Variants in FLT3 observed in about 807,000 individuals in gnomAD.
FLT3 encodes the protein receptor-type tyrosine-protein kinase FLT3.
FLT3 carries 46 observed loss-of-function variants against 126.6 expected under a neutral mutation model. The observed-to-expected ratio is 0.36, with a 90% CI of 0.29 to 0.46. The LOEUF is 0.46. FLT3 is among the 20% of genes least tolerant of loss of function. The pLI is 1.00. For synonymous variants in FLT3, 404 were observed against 434.4 expected, an observed-to-expected ratio of 0.93 and a Z score of 0.87; for missense variants, 1,069 against 1,190.3, an observed-to-expected ratio of 0.90 and a Z score of 1.50.
At chr13:28,043,571 C>T (rs7318817) in intron 9 of FLT3, among the ~76,000 whole-genome samples, 93,241 of 152,036 alleles carry the variant, frequency 0.61, 28,688 homozygotes, top group East Asian at 0.83. Flanking sequence ...GACTAAAATA[C>T]TGTACTTCAC....
At chr13:28,024,337 G>T (rs576510868) in intron 18 of FLT3, among the ~76,000 whole-genome samples, 2 of 151,572 alleles carry the variant, frequency 1.3e-5, no homozygotes, top group Admixed American at 6.6e-5. Context: ...TCTCCATGTT[G>T]GGCCAGGCTG....
chr13:28,094,075 TGAA>T (rs1184005641), intron 1 of FLT3, among the ~76,000 whole-genome samples: 1 of 152,232 alleles, frequency 6.6e-6, no homozygotes, highest in Non-Finnish European at 1.5e-5. Flanking sequence ...TATTATCTGA[TGAA>T]GGAGTAAGAT....
Position 28,094,776 on chromosome 13 carries a change from C to T in FLT3, c.43+5692G>A, listed in dbSNP as rs145662108. Among the ~76,000 whole-genome samples the T allele has an allele frequency of 4.6e-5, 7 of 152,304 alleles. No homozygotes were observed. In the East Asian group the frequency reaches 1.4e-3, roughly 29 times the overall value. ...TAGGCCTCCCAAAGTGCTGGGGATACAGGTGTGAACCACTGCACTCTGCCT... is the reference window on the plus strand; with the variant it reads ...TAGGCCTCCCAAAGTGCTGGGGATATAGGTGTGAACCACTGCACTCTGCCT... On this transcript the variant is annotated intron_variant, in intron 1 of 23. Coordinates refer to ENST00000241453, the MANE Select transcript of FLT3 (RefSeq NM_004119.3).
At chr13:28,072,892 C>A (rs1449473593) in intron 1 of FLT3, among the ~76,000 whole-genome samples, 1 of 152,068 alleles carries the variant, frequency 6.6e-6, no homozygotes, top group Non-Finnish European at 1.5e-5. Flanking sequence ...GCAGTCCCAG[C>A]TACTCGGGAG....
intron 20 of FLT3, among the ~76,000 whole-genome samples, chr13:28,017,802 T>A (rs1055332429): frequency 6.6e-6 from 1 of 152,024 alleles, no homozygotes; most frequent in Admixed American, 6.6e-5. Context: ...ATAGTTGGGA[T>A]TACAGGCACA....
chr13:28,048,478 A>G lies in FLT3; in HGVS notation c.1037-35T>C, dbSNP rs1191474118. ...AAAATAGGCATTTATGAGTTAGTTA[A>G]TAATATTCATAGGGAAACGTATTGA... On this transcript the variant is annotated intron_variant, in intron 8 of 23. Transcript: ENST00000241453. 5 of 1,334,804 alleles carry G rather than the reference A, an allele frequency of 3.7e-6. 1 individual carries two copies. In the East Asian group the frequency reaches 9.2e-5, roughly 25 times the overall value. 82.7% of individuals were successfully genotyped at this position (1,334,804 alleles called of 1,614,324 possible). A position where few individuals can be genotyped will look rare whatever the true frequency, so the allele number is the denominator to read the frequency against.
intron 1 of FLT3, among the ~76,000 whole-genome samples, chr13:28,088,171 C>G (rs532897269): frequency 6.6e-6 from 1 of 152,108 alleles, no homozygotes; most frequent in African/African-American, 2.4e-5. Flanking sequence ...GCACTTTGTT[C>G]TTTCATGTCT....
intron 22 of FLT3, 75 bp downstream of exon 22, chr13:28,015,082 T>A (rs1373081918): frequency 1.1e-6 from 1 of 888,298 alleles, no homozygotes; most frequent in Non-Finnish European, 1.8e-6. Context: ...TTTGACTTTT[T>A]TTGGTCATGC....
At chr13:28,045,934 CAAAAAAAAA>C (rs57916548) in intron 9 of FLT3, among the ~76,000 whole-genome samples, 6 of 122,788 alleles carry the variant, frequency 4.9e-5, no homozygotes, top group Non-Finnish European at 9.7e-5. Flanking sequence ...CAATGGTTCT[CAAAAAAAAA>C]AAAAAAAAAA....
intron 1 of FLT3, among the ~76,000 whole-genome samples, chr13:28,099,384 C>A (rs907831183): frequency 6.6e-6 from 1 of 152,178 alleles, no homozygotes; most frequent in Non-Finnish European, 1.5e-5. Context: ...TTTTTCAACT[C>A]TTTTCCCCCG....
In FLT3 at chr13:28,028,094, AG is replaced by A. The variant is rs1872972023; in HGVS notation, c.2053+83del. The A allele has an allele frequency of 6.3e-5, 40 of 630,266 alleles. No homozygotes were observed. The South Asian group carries it at 6.8e-4, about 11-fold the overall frequency. 39.0% of individuals were successfully genotyped at this position (630,266 alleles called of 1,614,324 possible). A position where few individuals can be genotyped will look rare whatever the true frequency, so the allele number is the denominator to read the frequency against. ...AGAAAAGACAAAGAATTAAAAAGAG[AG>A]AGAGAGAGAGAGAGAGCAAACATCC... On this transcript the variant is annotated intron_variant, in intron 16 of 23. Coordinates refer to ENST00000241453, the MANE Select transcript of FLT3 (RefSeq NM_004119.3).
intron 2 of FLT3, chr13:28,068,242 A>C (rs1877203892): frequency 6.6e-6 from 1 of 152,514 alleles, no homozygotes; most frequent in Admixed American, 6.6e-5. Context: ...GAAAAAAAAA[A>C]CAGTACATCT....
chr13:28,073,113 G>A (rs1379867898), intron 1 of FLT3, among the ~76,000 whole-genome samples: 1 of 152,134 alleles, frequency 6.6e-6, no homozygotes, highest in Admixed American at 6.5e-5. Context: ...GGCTGAGGTG[G>A]GTGGATTGCT....
intron 1 of FLT3, among the ~76,000 whole-genome samples, chr13:28,074,431 A>G (rs1183781023): frequency 6.6e-6 from 1 of 152,158 alleles, no homozygotes; most frequent in Non-Finnish European, 1.5e-5. Flanking sequence ...AATACTAAGG[A>G]ATTGAATGCC....
At chr13:28,038,719 C>G (rs1323266119) in intron 9 of FLT3, among the ~76,000 whole-genome samples, 1 of 152,124 alleles carries the variant, frequency 6.6e-6, no homozygotes, top group Non-Finnish European at 1.5e-5. Context: ...TCCCAAAGCG[C>G]TGGGATTACA....
chr13:28,070,637 A>G (rs755980475), intron 1 of FLT3, 25 bp from the exon 2 acceptor site: 43 of 1,545,218 alleles, frequency 2.8e-5, no homozygotes, highest in Non-Finnish European at 3.2e-5. Context: ...AAAAATGATA[A>G]TGTTGATACA....
intron 1 of FLT3, among the ~76,000 whole-genome samples, chr13:28,074,576 T>C (rs1485204552): frequency 6.6e-6 from 1 of 152,222 alleles, no homozygotes; most frequent in Non-Finnish European, 1.5e-5. Context: ...ACATTTGGTA[T>C]GATGAGACTT....
At chr13:28,028,574 G>A (rs1566066962) in intron 15 of FLT3, among the ~76,000 whole-genome samples, 1 of 152,040 alleles carries the variant, frequency 6.6e-6, no homozygotes, top group Non-Finnish European at 1.5e-5. Context: ...GCAGGCACCT[G>A]TAATCCCAGC....
chr13:28,085,392 G>A (rs1274836213), intron 1 of FLT3, among the ~76,000 whole-genome samples: 1 of 149,870 alleles, frequency 6.7e-6, no homozygotes, highest in African/African-American at 2.5e-5. Flanking sequence ...AGGTGCATTT[G>A]ACTACTGTGA....
Sources: gnomAD v4.1 joint callset for allele counts (sites outside exome capture counted in the v4.1 genomes callset) on GRCh38, gnomAD v4.1.1 for gene constraint, MANE v1.5 for transcripts, NCBI Gene and HGNC (gene_info 2026-07-23, HGNC 2026-07-21) for gene names.